The following SLC14A2 variants were observed in gnomAD, a reference collection of about 807,000 sequenced individuals.
The protein encoded by SLC14A2 is urea transporter 2.
In SLC14A2, 91 loss-of-function variants were observed where a neutral mutation model predicts 104.6. The ratio of observed to expected loss-of-function variants is 0.87; its 90% CI spans 0.73 to 1.04. The LOEUF (loss-of-function observed/expected upper bound fraction) is 1.04. Among genes scored for constraint, SLC14A2 ranks in the 50% least tolerant of loss-of-function variants. SLC14A2 has a pLI of 0.00. For missense variants in SLC14A2, 1,189 were observed against 1,156.0 expected (o/e 1.03, Z -0.41); for synonymous variants, 476 against 466.4 (o/e 1.02, Z -0.27).
At chr18:45,448,069 CTG>C (rs2086798705) in intron 1 of SLC14A2, among the ~76,000 whole-genome samples, 2 of 152,250 alleles carry the variant, frequency 1.3e-5, no homozygotes, top group African/African-American at 2.4e-5. Flanking sequence ...ATGATCATTG[CTG>C]TGTTATCAGC....
At chr18:45,596,867 T>G (rs2044724409) in intron 2 of SLC14A2, among the ~76,000 whole-genome samples, 1 of 152,188 alleles carries the variant, frequency 6.6e-6, no homozygotes, top group Non-Finnish European at 1.5e-5. Context: ...ACACAAAAAC[T>G]GCCTTCACAG....
At chr18:45,521,528 G>A (rs952572133) in intron 2 of SLC14A2, among the ~76,000 whole-genome samples, 8 of 151,836 alleles carry the variant, frequency 5.3e-5, no homozygotes, top group Non-Finnish European at 1.0e-4. Flanking sequence ...AGAAGAGAGA[G>A]GACATTTAGA....
chr18:45,295,587 A>G (rs1427849811), intron 1 of SLC14A2, among the ~76,000 whole-genome samples: 1 of 152,168 alleles, frequency 6.6e-6, no homozygotes, highest in Non-Finnish European at 1.5e-5. Context: ...ACTGCCGGAT[A>G]AGAATCAGCA....
At chr18:45,248,359 C>G (rs1402643048) in intron 1 of SLC14A2, among the ~76,000 whole-genome samples, 1 of 152,054 alleles carries the variant, frequency 6.6e-6, no homozygotes, top group African/African-American at 2.4e-5. Flanking sequence ...GAGGGCCTGT[C>G]TGAGGTTCAT....
intron 1 of SLC14A2, among the ~76,000 whole-genome samples, chr18:45,230,015 C>T (rs1319346106): frequency 6.6e-6 from 1 of 152,158 alleles, no homozygotes; most frequent in African/African-American, 2.4e-5. Context: ...TCAAACATTA[C>T]ATAATTTATT....
rs74689416 is a variant in SLC14A2, at chr18:45,484,117, A to G, written c.-35+795A>G. Among the ~76,000 whole-genome samples, 5 of 152,346 alleles carry G rather than the reference A, an allele frequency of 3.3e-5. No homozygotes were observed. The East Asian group carries it at 9.6e-4, about 29-fold the overall frequency. ...AGAGTTTTTGTCCAAATAATGGTTC[A>G]GAAACCCACCTGCCAATTGTCTGTG... On this transcript the variant is annotated intron_variant, in intron 2 of 20. Transcript: ENST00000586448.
chr18:45,636,640 T>G (rs375494417), intron 5 of SLC14A2, among the ~76,000 whole-genome samples: 7 of 152,366 alleles, frequency 4.6e-5, no homozygotes, highest in African/African-American at 1.7e-4. Flanking sequence ...GGCAATACAT[T>G]ACATTTTGTT....
At chr18:45,180,088 G>C in the SLC14A2 span, 1 of 152,338 alleles carries the variant, frequency 6.6e-6, no homozygotes, top group African/African-American at 2.4e-5. Context: ...GGTTGAGGCT[G>C]CAGTGAGACG....
chr18:45,362,853 A>C (rs897753442), intron 1 of SLC14A2, among the ~76,000 whole-genome samples: 14 of 152,172 alleles, frequency 9.2e-5, no homozygotes, highest in Non-Finnish European at 1.8e-4. Context: ...ACAAATATTT[A>C]GTTCTCATCT....
intron 2 of SLC14A2, among the ~76,000 whole-genome samples, chr18:45,581,679 T>C (rs571480439): frequency 6.6e-6 from 1 of 152,300 alleles, no homozygotes; most frequent in South Asian, 2.1e-4. Context: ...CACACAGTTG[T>C]TGGGAGAAGT....
chr18:45,388,731 C>T (rs1246004884), intron 1 of SLC14A2, among the ~76,000 whole-genome samples: 1 of 152,178 alleles, frequency 6.6e-6, no homozygotes, highest in African/African-American at 2.4e-5. Flanking sequence ...CATATTGGCA[C>T]TTGCATGAAG....
At chr18:45,426,698 TACACACACAC>T (rs34456057) in intron 1 of SLC14A2, among the ~76,000 whole-genome samples, 6 of 140,958 alleles carry the variant, frequency 4.3e-5, no homozygotes, top group African/African-American at 1.3e-4. Context: ...TATACATACA[TACACACACAC>T]ACACACACAC....
chr18:45,544,476 T>C (rs1392626170), intron 2 of SLC14A2, among the ~76,000 whole-genome samples: 2 of 152,218 alleles, frequency 1.3e-5, no homozygotes, highest in African/African-American at 4.8e-5. Flanking sequence ...GTCTTGTTCA[T>C]AGTAATCATT....
At chr18:45,535,730 C>T (rs1289396679) in intron 2 of SLC14A2, among the ~76,000 whole-genome samples, 2 of 152,128 alleles carry the variant, frequency 1.3e-5, no homozygotes, top group Admixed American at 6.5e-5. Flanking sequence ...CTTAATCTTT[C>T]GGGGTCACTT....
intron 2 of SLC14A2, among the ~76,000 whole-genome samples, chr18:45,590,001 C>G (rs2044624996): frequency 6.6e-6 from 1 of 152,178 alleles, no homozygotes; most frequent in Non-Finnish European, 1.5e-5. Flanking sequence ...TGGTCGCCAT[C>G]ATTCCTCTCC....
chr18:45,262,766 C>T (rs1259540243), intron 1 of SLC14A2, among the ~76,000 whole-genome samples: 1 of 152,156 alleles, frequency 6.6e-6, no homozygotes, highest in Non-Finnish European at 1.5e-5. Context: ...ATTAATTGAG[C>T]ACACTGCTAC....
chr18:45,481,105 C>A (rs1382469591), intron 1 of SLC14A2, among the ~76,000 whole-genome samples: 1 of 152,016 alleles, frequency 6.6e-6, no homozygotes, highest in Non-Finnish European at 1.5e-5. Flanking sequence ...AGGAACCAAT[C>A]CCCAAAATTA....
intron 2 of SLC14A2, among the ~76,000 whole-genome samples, chr18:45,555,393 C>G (rs1260487177): frequency 6.6e-6 from 1 of 152,170 alleles, no homozygotes; most frequent in African/African-American, 2.4e-5. Flanking sequence ...CACTCTTTGA[C>G]TTAAGATGGG....
intron 2 of SLC14A2, among the ~76,000 whole-genome samples, chr18:45,592,072 G>A (rs2044655192): frequency 6.6e-6 from 1 of 152,170 alleles, no homozygotes; most frequent in Non-Finnish European, 1.5e-5. Context: ...AGTAATCACT[G>A]GGGTCAAGAA....
Sources: gnomAD v4.1 joint callset for allele counts (sites outside exome capture counted in the v4.1 genomes callset) on GRCh38, gnomAD v4.1.1 for gene constraint, MANE v1.5 for transcripts, NCBI Gene and HGNC (gene_info 2026-07-23, HGNC 2026-07-21) for gene names.